RPGRIP1: variants seen among roughly 807,000 people sequenced by gnomAD.
RPGRIP1 encodes RPGR interacting protein 1.
Under a neutral mutation model 157.9 loss-of-function variants are expected in RPGRIP1, and 128 were observed. The ratio of observed to expected loss-of-function variants is 0.81; its 90% CI spans 0.70 to 0.94. The LOEUF is 0.94. RPGRIP1 is among the 40% of genes least tolerant of loss of function. The pLI, the probability that RPGRIP1 is intolerant of heterozygous loss-of-function variation, is 0.00. For missense variants in RPGRIP1, 1,486 were observed against 1,545.8 expected (o/e 0.96, Z 0.65); for synonymous variants, 554 against 571.6 (o/e 0.97, Z 0.44).
chr14:21,321,472 T>C (rs758973118), intron 13 of RPGRIP1, 70 bp downstream of exon 13: 1 of 1,553,084 alleles, frequency 6.4e-7, no homozygotes. Context: ...GGACTGGGAA[T>C]GAAGCAAGAC....
intron 21 of RPGRIP1, among the ~76,000 whole-genome samples, chr14:21,337,437 G>GTTTTTT (rs1194839226): frequency 2.4e-5 from 3 of 126,796 alleles, no homozygotes; most frequent in South Asian, 4.4e-4. Context: ...TCAATGTTAA[G>GTTTTTT]CTTTTTTTTT....
At chr14:21,305,942 G>A (rs185925472) in intron 6 of RPGRIP1, among the ~76,000 whole-genome samples, 123 of 151,970 alleles carry the variant, frequency 8.1e-4, no homozygotes, top group Non-Finnish European at 1.3e-3. Context: ...AATTATTTGG[G>A]GGGTAGAATT....
chr14:21,314,714 G>GAAA (rs557139978), intron 10 of RPGRIP1, among the ~76,000 whole-genome samples: 4 of 131,050 alleles, frequency 3.1e-5, no homozygotes, highest in Non-Finnish European at 3.2e-5. Context: ...ACTCTGTCTC[G>GAAA]AAAAAAAAAA....
intron 20 of RPGRIP1, among the ~76,000 whole-genome samples, chr14:21,333,641 T>C (rs571206710): frequency 9.8e-5 from 15 of 152,312 alleles, no homozygotes; most frequent in African/African-American, 3.6e-4. Flanking sequence ...CTCACCCTAC[T>C]AGCTGATCAG....
chr14:21,338,163 G>T (rs67347649), intron 21 of RPGRIP1, among the ~76,000 whole-genome samples: 26,045 of 151,936 alleles, frequency 0.17, 2,728 homozygotes, highest in African/African-American at 0.28. Flanking sequence ...TGATCTGCCC[G>T]CCTCGGCCTC....
At chr14:21,329,526 G>A (rs1209569954) in intron 19 of RPGRIP1, among the ~76,000 whole-genome samples, 5 of 141,038 alleles carry the variant, frequency 3.5e-5, no homozygotes, top group East Asian at 4.4e-4. Flanking sequence ...TTTTGAGACC[G>A]AGTCTTGCTC....
At chr14:21,330,133 A>G (rs1851392024) in intron 19 of RPGRIP1, 116 bp from the exon 20 acceptor site, 6 of 612,468 alleles carry the variant, frequency 9.8e-6, no homozygotes, top group Admixed American at 4.0e-5. Flanking sequence ...AATAATAATA[A>G]TAAAAATTAA....
intron 16 of RPGRIP1, 124 bp from the exon 17 acceptor site, chr14:21,325,707 C>A: frequency 1.3e-6 from 1 of 765,876 alleles, no homozygotes; most frequent in Non-Finnish European, 2.1e-6. Flanking sequence ...CATTAGGTTT[C>A]TTCCTGATCC....
At chr14:21,337,527 T>A (rs1884497008) in intron 21 of RPGRIP1, among the ~76,000 whole-genome samples, 1 of 147,708 alleles carries the variant, frequency 6.8e-6, no homozygotes, top group Non-Finnish European at 1.5e-5. Context: ...CTGCAACCTC[T>A]GCCTCCCAGG....
chr14:21,296,691 T>C (rs2139148787), intron 3 of RPGRIP1, among the ~76,000 whole-genome samples: 1 of 150,132 alleles, frequency 6.7e-6, no homozygotes, highest in Admixed American at 6.6e-5. Flanking sequence ...CCACAGTGGC[T>C]CACGCCTATA....
chr14:21,280,158 CT>C lies in RPGRIP1; in HGVS notation c.-39del, dbSNP rs1348983745. 7.2e-5 allele frequency among the ~76,000 whole-genome samples: 11 copies of C among 151,822 alleles called. No homozygotes were observed. The highest frequency in any genetic ancestry group is 1.6e-4 in the Non-Finnish European group (11 of 67,988). Reference sequence around the variant, plus strand: ...GACAGCTATCTGGAGCAAGCAAGAACTGTAAGTTTCTATCTGATGCATATTT... The same window carrying C: ...GACAGCTATCTGGAGCAAGCAAGAACGTAAGTTTCTATCTGATGCATATTT... On this transcript the variant is annotated splice_region_variant and 5_prime_UTR_variant, in exon 1 of 25. Coordinates refer to ENST00000400017, the MANE Select transcript of RPGRIP1 (RefSeq NM_020366.4).
At chr14:21,285,799 C>G (rs1880278893) in intron 1 of RPGRIP1, among the ~76,000 whole-genome samples, 1 of 151,788 alleles carries the variant, frequency 6.6e-6, no homozygotes, top group Non-Finnish European at 1.5e-5. Flanking sequence ...TAATGAAAAG[C>G]CATTTGGAGA....
At chr14:21,317,894 A>G (rs1881936285) in intron 11 of RPGRIP1, 44 bp downstream of exon 11, 1 of 1,519,534 alleles carries the variant, frequency 6.6e-7, no homozygotes, top group Non-Finnish European at 9.0e-7. Flanking sequence ...GGCATCCTCT[A>G]CCTCTGGTTT....
At chr14:21,349,097 G>GTC (rs1157363430) in intron 24 of RPGRIP1, among the ~76,000 whole-genome samples, 6 of 124,226 alleles carry the variant, frequency 4.8e-5, no homozygotes, top group Non-Finnish European at 9.7e-5. Flanking sequence ...TTGAGACAGA[G>GTC]TCTCTCTCTG....
At chr14:21,316,986 G>C (rs551654363) in intron 10 of RPGRIP1, among the ~76,000 whole-genome samples, 1 of 151,930 alleles carries the variant, frequency 6.6e-6, no homozygotes, top group African/African-American at 2.4e-5. Context: ...TGGGCCTGGT[G>C]GTGGGTTACT....
intron 4 of RPGRIP1, 130 bp from the exon 5 acceptor site, chr14:21,302,358 A>G: frequency 2.3e-6 from 1 of 437,886 alleles, no homozygotes; most frequent in East Asian, 3.5e-5. Context: ...CTCCTCGGGG[A>G]CCATTTGTCA....
intron 20 of RPGRIP1, among the ~76,000 whole-genome samples, chr14:21,331,588 T>G (rs1883800119): frequency 6.6e-6 from 1 of 152,000 alleles, no homozygotes; most frequent in Non-Finnish European, 1.5e-5. Flanking sequence ...CCCTTCAAAT[T>G]TTATGCCTAA....
chr14:21,325,222 T>C lies in RPGRIP1; in HGVS notation c.2216-10T>C, dbSNP rs749195627. The C allele has an allele frequency of 1.3e-6, 2 of 1,594,892 alleles. No individual in the cohort carries two copies. The highest frequency in any genetic ancestry group is 1.8e-5 in the Admixed American group (1 of 55,598). On this transcript the variant is annotated splice_polypyrimidine_tract_variant and intron_variant, in intron 15 of 24. Transcript: ENST00000400017. ...GTATTCCCCCTGCTTTCACACTTTCTGCTACCCAGGAGCTGGTGGAGAAGA... is the reference window on the plus strand; with the variant it reads ...GTATTCCCCCTGCTTTCACACTTTCCGCTACCCAGGAGCTGGTGGAGAAGA...
At chr14:21,347,202 G>T (rs1256058726) in intron 23 of RPGRIP1, among the ~76,000 whole-genome samples, 1 of 152,220 alleles carries the variant, frequency 6.6e-6, no homozygotes, top group African/African-American at 2.4e-5. Context: ...GACAGAGCAG[G>T]CTTTGTAATC....
Sources: gnomAD v4.1 joint callset for allele counts (sites outside exome capture counted in the v4.1 genomes callset) on GRCh38, gnomAD v4.1.1 for gene constraint, MANE v1.5 for transcripts, NCBI Gene and HGNC (gene_info 2026-07-23, HGNC 2026-07-21) for gene names.